C7: variants seen among roughly 807,000 people sequenced by gnomAD.
C7 encodes complement component C7.
C7 carries 83 observed loss-of-function variants against 104.8 expected under a neutral mutation model. That is an observed-to-expected ratio of 0.79 (90% CI 0.66 to 0.95). The LOEUF (loss-of-function observed/expected upper bound fraction) is 0.95. Among genes scored for constraint, C7 ranks in the 40% least tolerant of loss-of-function variants. The pLI, the probability that C7 is intolerant of heterozygous loss-of-function variation, is 0.00. For synonymous variants in C7, 415 were observed against 360.6 expected (o/e 1.15, Z -1.71); for missense variants, 1,070 against 1,011.2 (o/e 1.06, Z -0.79).
chr5:40,934,510 A>G (rs906491633), intron 4 of C7, 44 bp downstream of exon 4: 11 of 1,593,110 alleles, frequency 6.9e-6, no homozygotes, highest in Non-Finnish European at 8.6e-6. Context: ...TGTAAATTCA[A>G]ACGTTATTTG....
intron 3 of C7, among the ~76,000 whole-genome samples, chr5:40,931,443 A>T (rs1242651320): frequency 1.3e-5 from 2 of 152,244 alleles, no homozygotes; most frequent in African/African-American, 2.4e-5. Flanking sequence ...GAGAAATAGG[A>T]ATAACATAGA....
intron 1 of C7, among the ~76,000 whole-genome samples, chr5:40,913,603 T>A (rs1739256921): frequency 6.6e-6 from 1 of 152,170 alleles, no homozygotes; most frequent in South Asian, 2.1e-4. Flanking sequence ...CAAGTGATCC[T>A]CCTGCTTCAG....
chr5:40,927,610 A>G (rs772940036), intron 1 of C7, among the ~76,000 whole-genome samples: 1 of 152,074 alleles, frequency 6.6e-6, no homozygotes, highest in Non-Finnish European at 1.5e-5. Flanking sequence ...AAGTAAAGTA[A>G]AAATAAAAAA....
In C7 at chr5:40,984,120, C is replaced by G. The variant is rs1314363694; in HGVS notation, c.*2547C>G. Among the ~76,000 whole-genome samples, 1 of 152,186 alleles carries G rather than the reference C, an allele frequency of 6.6e-6. No individual in the cohort carries two copies. The highest frequency in any genetic ancestry group is 2.4e-5 in the African/African-American group (1 of 41,434). On this transcript the variant is annotated 3_prime_UTR_variant, in exon 18 of 18. Coordinates refer to ENST00000313164, the MANE Select transcript of C7 (RefSeq NM_000587.4). ...ATTTCCTAATCGTTTTGAGAAGTGC[C>G]TTCCTGTGACATCTTATGTATTTCC...
At chr5:40,912,709 T>G (rs1376182) in intron 1 of C7, among the ~76,000 whole-genome samples, 97,032 of 152,110 alleles carry the variant, frequency 0.64, 32,124 homozygotes, top group East Asian at 0.89. Context: ...ATTATTTTCA[T>G]TATCCACATT....
chr5:40,910,435 T>C (rs16870491), intron 1 of C7, among the ~76,000 whole-genome samples: 26,437 of 152,112 alleles, frequency 0.17, 2,596 homozygotes, highest in East Asian at 0.32. Context: ...GTATTGTCCA[T>C]TGGGGCACCG....
At chr5:40,931,511 C>G (rs1247111697) in intron 3 of C7, among the ~76,000 whole-genome samples, 1 of 152,152 alleles carries the variant, frequency 6.6e-6, no homozygotes, top group African/African-American at 2.4e-5. Context: ...CTTTTCTTCT[C>G]ATCTCAAACA....
intron 8 of C7, 147 bp from the exon 9 acceptor site, chr5:40,949,757 C>A: frequency 1.6e-6 from 1 of 622,732 alleles, no homozygotes; most frequent in Non-Finnish European, 2.8e-6. Flanking sequence ...TTTGACTCTT[C>A]TAGAGCACTT....
In C7 at chr5:40,928,600, G is replaced by C; in HGVS notation, c.27G>C (p.Leu9Phe). Residue 9 changes from leucine to phenylalanine, a missense_variant, in exon 2 of 18, where the codon TTG becomes TTC. Leu to Phe is a conservative substitution (Grantham distance 22, BLOSUM62 0). Transcript: ENST00000313164. ...TCCAGGTGATAAGCTTATTCATTTT[G>C]GTGGGATTTATAGGAGAGTTCCAAA... MKVISLFI[L>F]VGFIGEFQSF... The C allele has an allele frequency of 3.9e-6, 6 of 1,548,896 alleles. No homozygotes were observed. The highest frequency in any genetic ancestry group is 5.3e-6 in the Non-Finnish European group (6 of 1,141,900).
chr5:40,936,014 G>T (rs999478335), intron 4 of C7, among the ~76,000 whole-genome samples: 1 of 152,126 alleles, frequency 6.6e-6, no homozygotes, highest in Non-Finnish European at 1.5e-5. Context: ...AAGTTGAAGG[G>T]CAGGAAGTCA....
At position 40,981,812 on chromosome 5, in the gene C7, G is replaced by A. The variant is rs145437847; in HGVS notation, c.*239G>A. ...ATGAGCCTTTGCACAGGCTGGCTGC[G>A]TGTTCTTGAAATAGGTGTTACCTTC... is the stretch of plus-strand genomic sequence containing the variant. On this transcript the variant is annotated 3_prime_UTR_variant, in exon 18 of 18. Transcript: ENST00000313164. The A allele has an allele frequency of 6.7e-5, 25 of 375,272 alleles. No homozygotes were observed. The highest frequency in any genetic ancestry group is 2.2e-4 in the African/African-American group (11 of 48,900). 23.2% of individuals were successfully genotyped at this position (375,272 alleles called of 1,614,324 possible). A position where few individuals can be genotyped will look rare whatever the true frequency, so the allele number is the denominator to read the frequency against.
chr5:40,915,786 C>CT (rs1220983520), intron 1 of C7, among the ~76,000 whole-genome samples: 1 of 152,000 alleles, frequency 6.6e-6, no homozygotes, highest in Non-Finnish European at 1.5e-5. Flanking sequence ...TTTTAGAACT[C>CT]TAACAGCCAG....
At chr5:40,913,926 G>A (rs143230338) in intron 1 of C7, among the ~76,000 whole-genome samples, 2,115 of 152,136 alleles carry the variant, frequency 0.014, 50 homozygotes, top group African/African-American at 0.048. Context: ...TGATTTGCCC[G>A]CCTCAGCCTC....
intron 17 of C7, 112 bp from the exon 18 acceptor site, chr5:40,981,280 C>T: frequency 9.8e-7 from 1 of 1,022,974 alleles, no homozygotes; most frequent in Non-Finnish European, 1.5e-6. Context: ...TATGTCATTC[C>T]AGGCAGGAGC....
intron 15 of C7, 77 bp from the exon 16 acceptor site, chr5:40,976,673 C>T: frequency 1.0e-6 from 1 of 957,210 alleles, no homozygotes; most frequent in Non-Finnish European, 1.6e-6. Flanking sequence ...GACCCTGGTC[C>T]AGCAATTCAT....
chr5:40,957,526 G>A (rs1740315654), intron 10 of C7, among the ~76,000 whole-genome samples: 1 of 151,950 alleles, frequency 6.6e-6, no homozygotes, highest in African/African-American at 2.4e-5. Context: ...CATCATCTTG[G>A]CTCAGCGCAA....
At chr5:40,912,191 G>A (rs1183057780) in intron 1 of C7, among the ~76,000 whole-genome samples, 1 of 151,794 alleles carries the variant, frequency 6.6e-6, no homozygotes. Context: ...ATTATCCTAA[G>A]GCTAGCCAAA....
chr5:40,922,880 A>G lies in C7; in HGVS notation c.7-5700A>G, dbSNP rs79932086. On this transcript the variant is annotated intron_variant, in intron 1 of 17. Transcript: ENST00000313164. ...TGTGAAATTATGAAACAACTAGAAG[A>G]AAACATAGGGAAACAGCATAGATCA... 1.5e-4 allele frequency among the ~76,000 whole-genome samples: 23 copies of G among 152,302 alleles called. No individual in the cohort carries two copies. The East Asian group carries it at 4.2e-3, about 28-fold the overall frequency.
rs550406328 is a variant in C7, at chr5:40,937,783, A to G, written c.567+93A>G. On this transcript the variant is annotated intron_variant, in intron 6 of 17. Transcript: ENST00000313164. ...TTACGTATTTGTTGAGAATTTACTT[A>G]TGGCCTAATGTGTGGTCAATTTTTA... The G allele has an allele frequency of 2.0e-5, 21 of 1,030,560 alleles. No individual in the cohort carries two copies. The East Asian group carries it at 5.8e-4, about 28-fold the overall frequency. 63.8% of individuals were successfully genotyped at this position (1,030,560 alleles called of 1,614,324 possible).
Sources: gnomAD v4.1 joint callset for allele counts (sites outside exome capture counted in the v4.1 genomes callset) on GRCh38, gnomAD v4.1.1 for gene constraint, MANE v1.5 for transcripts, NCBI Gene and HGNC (gene_info 2026-07-23, HGNC 2026-07-21) for gene names.